The following SMAD4 variants were observed in gnomAD, a reference collection of about 807,000 sequenced individuals.
SMAD4 encodes SMAD family member 4.
A neutral mutation model predicts 63.2 loss-of-function variants in SMAD4; 7 were observed. The observed-to-expected ratio is 0.11, with a 90% CI of 0.06 to 0.21. The LOEUF (loss-of-function observed/expected upper bound fraction) is 0.21. Ranked by LOEUF, SMAD4 falls within the 10% of genes least tolerant of loss-of-function variation. The pLI, the probability that SMAD4 is intolerant of heterozygous loss-of-function variation, is 1.00. For synonymous variants in SMAD4, 215 were observed against 235.4 expected, an observed-to-expected ratio of 0.91 and a Z score of 0.79; for missense variants, 312 against 693.8, an observed-to-expected ratio of 0.45 and a Z score of 6.18.
In SMAD4 at chr18:51,080,228, G is replaced by A. The variant is rs1404103390; in HGVS notation, c.*1761G>A. The A allele has an allele frequency of 4.3e-6, 1 of 232,064 alleles. No individual in the cohort carries two copies. Among genetic ancestry groups the A allele is most frequent in the Non-Finnish European group, 8.5e-6 (1 of 117,452 alleles). The allele number at this position is 232,064 out of a possible 1,614,324, so 14.4% of individuals were successfully genotyped here. On this transcript the variant is annotated 3_prime_UTR_variant, in exon 12 of 12. Coordinates refer to ENST00000342988, the MANE Select transcript of SMAD4 (RefSeq NM_005359.6). The stretch of plus-strand genomic sequence containing the variant: ...AATAGACCATCCTAGAAACCACTGA[G>A]TTTGCTTATTTCTGTGATTTAAACA...
chr18:51,049,585 CA>C, intron 4 of SMAD4: 2 of 425,194 alleles, frequency 4.7e-6, no homozygotes, highest in East Asian at 3.6e-5. Context: ...AGGAATGCAC[CA>C]AAAACAAATA....
chr18:51,048,526 T>A (rs1028491991), intron 2 of SMAD4, among the ~76,000 whole-genome samples, 160 bp from the exon 3 acceptor site: 3 of 152,248 alleles, frequency 2.0e-5, no homozygotes, highest in African/African-American at 4.8e-5. Context: ...CTAGGTCTGA[T>A]GTATGACATG....
chr18:51,071,279 CAT>C (rs753316079), intron 10 of SMAD4, among the ~76,000 whole-genome samples: 65 of 152,034 alleles, frequency 4.3e-4, no homozygotes, highest in Non-Finnish European at 7.4e-4. Flanking sequence ...CACACACACA[CAT>C]ACACACACAC....
chr18:51,033,924 G>A (rs1265433824), intron 1 of SMAD4, among the ~76,000 whole-genome samples: 2 of 152,158 alleles, frequency 1.3e-5, no homozygotes, highest in Non-Finnish European at 2.9e-5. Flanking sequence ...AATTTATAAG[G>A]TTCTCATAAT....
At chr18:51,066,478 C>G (rs1265817778) in intron 9 of SMAD4, among the ~76,000 whole-genome samples, 2 of 152,040 alleles carry the variant, frequency 1.3e-5, no homozygotes, top group South Asian at 4.1e-4. Flanking sequence ...AATCTTGGCT[C>G]TATCACTTGC....
intron 1 of SMAD4, among the ~76,000 whole-genome samples, chr18:51,032,445 T>C (rs533207171): frequency 7.2e-5 from 11 of 152,350 alleles, no homozygotes; most frequent in African/African-American, 2.6e-4. Context: ...ACATGAATGA[T>C]TGATCTTTTA....
rs1910606644 is a variant in SMAD4 at position 51,081,238 on chromosome 18, A to G, written c.*2771A>G. The G allele has an allele frequency of 4.4e-6, 1 of 225,058 alleles. No individual in the cohort carries two copies. The highest frequency in any genetic ancestry group is 1.8e-4 in the South Asian group (1 of 5,460). The allele number at this position is 225,058 out of a possible 1,614,324, so 13.9% of individuals were successfully genotyped here. ...TTTTCTCTAGCTAATTCATATCTCA[A>G]AGAGTCTCAAAATGTTGAATTTCAG... On this transcript the variant is annotated 3_prime_UTR_variant, in exon 12 of 12. Coordinates refer to ENST00000342988, the MANE Select transcript of SMAD4 (RefSeq NM_005359.6).
At chr18:51,068,606 A>G (rs1434294916) in intron 10 of SMAD4, among the ~76,000 whole-genome samples, 1 of 152,196 alleles carries the variant, frequency 6.6e-6, no homozygotes, top group Non-Finnish European at 1.5e-5. Flanking sequence ...ATCCATGTGT[A>G]TAGAAAAGTT....
chr18:51,058,923 G>T (rs1380483009), intron 7 of SMAD4, among the ~76,000 whole-genome samples: 1 of 152,178 alleles, frequency 6.6e-6, no homozygotes, highest in Non-Finnish European at 1.5e-5. Flanking sequence ...GTTTCAGGTA[G>T]AATAGGAGCA....
intron 4 of SMAD4, chr18:51,049,628 T>G: frequency 3.1e-6 from 1 of 322,404 alleles, no homozygotes; most frequent in Non-Finnish European, 5.7e-6. Flanking sequence ...AGACCTATTT[T>G]TGAAGAAAAT....
chr18:51,072,623 C>G (rs1234135205), intron 10 of SMAD4, among the ~76,000 whole-genome samples: 1 of 152,010 alleles, frequency 6.6e-6, no homozygotes, highest in East Asian at 1.9e-4. Flanking sequence ...AGGAAAATGG[C>G]AAAATTTGAC....
chr18:51,063,741 T>C (rs1225207544), intron 8 of SMAD4, among the ~76,000 whole-genome samples: 1 of 152,196 alleles, frequency 6.6e-6, no homozygotes, highest in African/African-American at 2.4e-5. Flanking sequence ...ACTTCAAAAC[T>C]GGCTTTTTAA....
intron 1 of SMAD4, among the ~76,000 whole-genome samples, chr18:51,038,261 G>C (rs965790518): frequency 6.8e-6 from 1 of 147,838 alleles, no homozygotes; most frequent in Non-Finnish European, 1.5e-5. Context: ...TGGGGGGGGG[G>C]GCAGTATGAG....
chr18:51,064,984 T>C (rs548185563), intron 8 of SMAD4, among the ~76,000 whole-genome samples: 1 of 152,334 alleles, frequency 6.6e-6, no homozygotes, highest in East Asian at 1.9e-4. Flanking sequence ...TTAGGGTCAG[T>C]GTGTTTTTAA....
Position 51,042,462 on chromosome 18 carries a change from C to T in SMAD4, c.-127-4458C>T, listed in dbSNP as rs189565962. 6.4e-3 allele frequency among the ~76,000 whole-genome samples: 981 copies of T among 152,128 alleles called. 13 individuals are homozygous for T. The highest frequency in any genetic ancestry group is 0.022 in the African/African-American group (902 of 41,476). On this transcript the variant is annotated intron_variant, in intron 1 of 11. Transcript: ENST00000342988. ...TCTTGGCTCACTGCAACCTCTGCCT[C>T]CCAGGCTCAAGCCGTCCTCCCACCT... is the stretch of plus-strand genomic sequence containing the variant.
At chr18:51,072,802 A>T (rs1000233606) in intron 10 of SMAD4, among the ~76,000 whole-genome samples, 3 of 152,224 alleles carry the variant, frequency 2.0e-5, no homozygotes, top group Non-Finnish European at 4.4e-5. Flanking sequence ...ATCTGAGCCA[A>T]AAAGAATATT....
At chr18:51,076,860 C>G (rs1910486200) in intron 11 of SMAD4, 84 bp downstream of exon 11, 1 of 1,103,248 alleles carries the variant, frequency 9.1e-7, no homozygotes, top group Non-Finnish European at 1.3e-6. Flanking sequence ...TTTCTTTGAG[C>G]AGTAATAGAA....
chr18:51,078,533 T>A lies in SMAD4; in HGVS notation c.*66T>A. ...GGACTACAAAATACAATCCTGTTTA[T>A]AATCTGAAGATATATTTCACTTTTG... is the stretch of plus-strand genomic sequence containing the variant. On this transcript the variant is annotated 3_prime_UTR_variant, in exon 12 of 12. Coordinates refer to ENST00000342988, the MANE Select transcript of SMAD4 (RefSeq NM_005359.6). The A allele has an allele frequency of 9.2e-7, 1 of 1,090,586 alleles. No individual in the cohort carries two copies. Among genetic ancestry groups the A allele is most frequent in the Non-Finnish European group, 1.4e-6 (1 of 729,610 alleles). 67.6% of individuals were successfully genotyped at this position (1,090,586 alleles called of 1,614,324 possible).
intron 2 of SMAD4, among the ~76,000 whole-genome samples, chr18:51,048,331 AT>A (rs1277842440): frequency 6.6e-6 from 1 of 151,716 alleles, no homozygotes; most frequent in East Asian, 1.9e-4. Flanking sequence ...GTAATTTTTT[AT>A]TATTTGTGGA....
Sources: gnomAD v4.1 joint callset for allele counts (sites outside exome capture counted in the v4.1 genomes callset) on GRCh38, gnomAD v4.1.1 for gene constraint, MANE v1.5 for transcripts, NCBI Gene and HGNC (gene_info 2026-07-23, HGNC 2026-07-21) for gene names.